The following SYT16 variants were observed in gnomAD, a reference collection of about 807,000 sequenced individuals.
SYT16 encodes synaptotagmin 16.
In SYT16, 42 loss-of-function variants were observed where a neutral mutation model predicts 61.4. The ratio of observed to expected loss-of-function variants is 0.68; its 90% CI spans 0.53 to 0.89. SYT16 has a LOEUF of 0.89. Ranked by LOEUF, SYT16 falls within the 40% of genes least tolerant of loss-of-function variation. SYT16 has a pLI of 0.00. For synonymous variants in SYT16, 314 were observed against 302.3 expected (o/e 1.04, Z -0.40); for missense variants, 804 against 807.3 (o/e 1.00, Z 0.05).
At chr14:62,066,556 G>A (rs772334747) in intron 3 of SYT16, among the ~76,000 whole-genome samples, 1 of 152,192 alleles carries the variant, frequency 6.6e-6, no homozygotes, top group African/African-American at 2.4e-5. Flanking sequence ...CCAGGCTGGT[G>A]TTTAAAAGTA....
intron 1 of SYT16, among the ~76,000 whole-genome samples, chr14:61,854,877 T>A (rs1315836558): frequency 6.6e-6 from 1 of 152,040 alleles, no homozygotes; most frequent in Non-Finnish European, 1.5e-5. Flanking sequence ...GCCCATGGCA[T>A]GCACAGTGAA....
rs1377452724 is a variant in SYT16 at position 62,080,709 on chromosome 14, A to G, written c.994-125A>G. The G allele has an allele frequency of 5.4e-6, 5 of 927,368 alleles. No homozygotes were observed. In the East Asian group the frequency reaches 1.3e-4, roughly 24 times the overall value. 57.4% of individuals were successfully genotyped at this position (927,368 alleles called of 1,614,324 possible). A position where few individuals can be genotyped will look rare whatever the true frequency, so the allele number is the denominator to read the frequency against. The stretch of plus-strand genomic sequence containing the variant: ...AGACCAGTAAACAGACCTATCTGAT[A>G]TAGAGGGAATACACTGGCAGTTAGA... On this transcript the variant is annotated intron_variant, in intron 5 of 7. Transcript: ENST00000683842.
At chr14:61,958,430 A>G (rs1566716325) in intron 1 of SYT16, among the ~76,000 whole-genome samples, 1 of 151,626 alleles carries the variant, frequency 6.6e-6, no homozygotes, top group Non-Finnish European at 1.5e-5. Context: ...CTCTTCTAGT[A>G]CTGCTTTCCT....
At chr14:62,084,090 G>A in intron 6 of SYT16, 106 bp from the exon 7 acceptor site, 1 of 1,366,460 alleles carries the variant, frequency 7.3e-7, no homozygotes, top group Non-Finnish European at 9.9e-7. Flanking sequence ...ATCTTTGGCA[G>A]TCATTGGGGA....
intron 1 of SYT16, among the ~76,000 whole-genome samples, chr14:61,957,841 CTCT>C (rs1273678855): frequency 2.6e-5 from 4 of 151,818 alleles, no homozygotes; most frequent in African/African-American, 7.2e-5. Flanking sequence ...GAAGTGTTCC[CTCT>C]TCTTCTCTTT....
intron 1 of SYT16, among the ~76,000 whole-genome samples, chr14:61,876,282 T>A (rs2047488671): frequency 6.6e-6 from 1 of 152,212 alleles, no homozygotes; most frequent in Non-Finnish European, 1.5e-5. Context: ...CCAGGAAAAA[T>A]CTTGTGTTCT....
chr14:61,928,858 A>C (rs574885587), intron 1 of SYT16, among the ~76,000 whole-genome samples: 33 of 152,314 alleles, frequency 2.2e-4, no homozygotes, highest in Non-Finnish European at 4.4e-4. Flanking sequence ...ATAAATATGG[A>C]TAAAAGCACG....
intron 1 of SYT16, among the ~76,000 whole-genome samples, chr14:61,837,530 T>C (rs2046170381): frequency 6.6e-6 from 1 of 152,146 alleles, no homozygotes; most frequent in South Asian, 2.1e-4. Context: ...TGAGCTGCCG[T>C]GCAGCTGAGG....
At chr14:62,005,937 G>T (rs2053204219) in intron 3 of SYT16, among the ~76,000 whole-genome samples, 1 of 152,242 alleles carries the variant, frequency 6.6e-6, no homozygotes, top group South Asian at 2.1e-4. Flanking sequence ...TTAGAATGAG[G>T]CAGCCTCAGC....
chr14:61,881,436 G>C (rs1220998739), intron 1 of SYT16, among the ~76,000 whole-genome samples: 1 of 152,212 alleles, frequency 6.6e-6, no homozygotes, highest in Non-Finnish European at 1.5e-5. Context: ...CTCTTGTCAT[G>C]ATACCAGTGT....
chr14:61,885,974 T>G (rs1031520327), intron 1 of SYT16, among the ~76,000 whole-genome samples: 3 of 151,078 alleles, frequency 2.0e-5, no homozygotes, highest in Non-Finnish European at 4.4e-5. Flanking sequence ...ATTTTTTTTT[T>G]TTTTTTTGGA....
At chr14:62,012,443 G>A (rs533812773) in intron 3 of SYT16, among the ~76,000 whole-genome samples, 23 of 152,316 alleles carry the variant, frequency 1.5e-4, no homozygotes, top group African/African-American at 5.5e-4. Flanking sequence ...TCAAGCTAGA[G>A]TCTGATAGCA....
At chr14:61,819,569 A>G (rs1398709278) in intron 1 of SYT16, among the ~76,000 whole-genome samples, 1 of 152,256 alleles carries the variant, frequency 6.6e-6, no homozygotes, top group Non-Finnish European at 1.5e-5. Flanking sequence ...AATTTTACTC[A>G]CAATGGAGCA....
chr14:61,853,511 T>C (rs2046681325), intron 1 of SYT16, among the ~76,000 whole-genome samples: 1 of 152,146 alleles, frequency 6.6e-6, no homozygotes, highest in Admixed American at 6.5e-5. Flanking sequence ...AAGGCCTTCA[T>C]AAAATAGGGC....
intron 2 of SYT16, among the ~76,000 whole-genome samples, chr14:61,982,742 G>A (rs763870519): frequency 9.2e-5 from 14 of 152,208 alleles, no homozygotes; most frequent in Admixed American, 2.6e-4. Flanking sequence ...GATTTTTGAC[G>A]TAGTGGAGAT....
chr14:61,864,957 T>G, intron 1 of SYT16: 1 of 1,332,300 alleles, frequency 7.5e-7, no homozygotes, highest in East Asian at 2.3e-5. Flanking sequence ...TTGAAAGTGC[T>G]GAAAATTGCT....
At chr14:62,058,150 A>G (rs539472157) in intron 3 of SYT16, among the ~76,000 whole-genome samples, 12 of 152,172 alleles carry the variant, frequency 7.9e-5, no homozygotes, top group African/African-American at 1.9e-4. Flanking sequence ...TTGTATTTAT[A>G]TACCACAATT....
intron 1 of SYT16, among the ~76,000 whole-genome samples, chr14:61,942,974 T>C (rs536865216): frequency 6.6e-6 from 1 of 152,142 alleles, no homozygotes; most frequent in South Asian, 2.1e-4. Context: ...ATAAAATAGA[T>C]AGACCACTAG....
intron 3 of SYT16, among the ~76,000 whole-genome samples, chr14:62,015,715 A>T (rs2053645030): frequency 6.6e-6 from 1 of 152,206 alleles, no homozygotes; most frequent in African/African-American, 2.4e-5. Context: ...ATGTGAGGAC[A>T]CAGTGAGAAG....
Sources: gnomAD v4.1 joint callset for allele counts (sites outside exome capture counted in the v4.1 genomes callset) on GRCh38, gnomAD v4.1.1 for gene constraint, MANE v1.5 for transcripts, NCBI Gene and HGNC (gene_info 2026-07-23, HGNC 2026-07-21) for gene names.